The following GFRA1 variants were observed in gnomAD, a reference collection of about 807,000 sequenced individuals.
GFRA1 encodes the protein GDNF family receptor alpha-1.
In GFRA1, 16 loss-of-function variants were observed where a neutral mutation model predicts 51.6. The observed-to-expected ratio is 0.31, with a 90% confidence interval of 0.21 to 0.47. The LOEUF is 0.47. GFRA1 is among the 20% of genes least tolerant of loss of function. The probability of loss-of-function intolerance (pLI) is 1.00; values close to 1 mark genes in which losing one functional copy is unlikely to be tolerated. For synonymous variants in GFRA1, 270 were observed against 241.3 expected (o/e 1.12, Z -1.10); for missense variants, 530 against 594.3 (o/e 0.89, Z 1.13).
chr10:116,105,144 T>C (rs1046918975), intron 6 of GFRA1, among the ~76,000 whole-genome samples: 5 of 152,320 alleles, frequency 3.3e-5, no homozygotes, highest in Middle Eastern at 3.4e-3. Flanking sequence ...AATGGAAAGT[T>C]TTGTGGATGA....
chr10:116,144,147 A>C (rs555726663), intron 5 of GFRA1, among the ~76,000 whole-genome samples: 1 of 152,174 alleles, frequency 6.6e-6, no homozygotes, highest in Admixed American at 6.5e-5. Context: ...ACCATGTTTT[A>C]AGAAATATTG....
intron 4 of GFRA1, among the ~76,000 whole-genome samples, chr10:116,234,578 C>A (rs1286711956): frequency 2.0e-5 from 3 of 152,224 alleles, no homozygotes; most frequent in Admixed American, 2.0e-4. Context: ...TGGCCTTGGG[C>A]AGCACATTTG....
At chr10:116,078,086 C>T (rs534255335) in intron 9 of GFRA1, among the ~76,000 whole-genome samples, 25 of 152,228 alleles carry the variant, frequency 1.6e-4, no homozygotes, top group African/African-American at 4.8e-4. Flanking sequence ...TAAGGCCTGG[C>T]CCCCAAGATT....
intron 5 of GFRA1, among the ~76,000 whole-genome samples, chr10:116,166,057 T>A (rs534660489): frequency 7.2e-5 from 11 of 152,350 alleles, no homozygotes; most frequent in African/African-American, 2.4e-4. Context: ...TATTTGGTTT[T>A]CTGTTCCTGC....
At chr10:116,096,492 T>C (rs1361391907) in intron 7 of GFRA1, among the ~76,000 whole-genome samples, 163 bp downstream of exon 7, 4 of 89,046 alleles carry the variant, frequency 4.5e-5, no homozygotes, top group Admixed American at 1.3e-4. Context: ...CTTTTTTTTT[T>C]CTTTTTTTTT....
At chr10:116,248,469 G>C (rs1250265987) in intron 4 of GFRA1, among the ~76,000 whole-genome samples, 1 of 152,176 alleles carries the variant, frequency 6.6e-6, no homozygotes, top group South Asian at 2.1e-4. Flanking sequence ...CCCACAACGA[G>C]TCACAACTCA....
At chr10:116,247,166 C>T (rs1967934100) in intron 4 of GFRA1, among the ~76,000 whole-genome samples, 1 of 152,072 alleles carries the variant, frequency 6.6e-6, no homozygotes, top group Non-Finnish European at 1.5e-5. Flanking sequence ...CTGTCATTTA[C>T]CCAGGTAAAT....
At chr10:116,158,867 G>A (rs1432131050) in intron 5 of GFRA1, among the ~76,000 whole-genome samples, 4 of 152,178 alleles carry the variant, frequency 2.6e-5, no homozygotes, top group South Asian at 2.1e-4. Context: ...TGCCAGCAGC[G>A]CTGAGGCCTC....
At chr10:116,096,904 CACACAA>C in intron 6 of GFRA1, 140 bp from the exon 7 acceptor site, 1 of 654,784 alleles carries the variant, frequency 1.5e-6, no homozygotes, top group East Asian at 2.9e-5. Flanking sequence ...CACACACATA[CACACAA>C]AATACGTAGA....
At chr10:116,077,810 C>T (rs1041388268) in intron 9 of GFRA1, among the ~76,000 whole-genome samples, 31 of 152,308 alleles carry the variant, frequency 2.0e-4, no homozygotes, top group African/African-American at 7.2e-4. Context: ...CTGGGGGGGA[C>T]AGCTTGTCCT....
chr10:116,189,471 C>T (rs1375317772), intron 5 of GFRA1, among the ~76,000 whole-genome samples: 6 of 151,820 alleles, frequency 4.0e-5, no homozygotes, highest in African/African-American at 1.5e-4. Context: ...TTTTTTGATT[C>T]CCCCGCCACC....
chr10:116,135,990 T>C (rs1033660642), intron 5 of GFRA1, among the ~76,000 whole-genome samples: 6 of 112,856 alleles, frequency 5.3e-5, no homozygotes, highest in Non-Finnish European at 1.0e-4. Context: ...CTCTCAGTTA[T>C]GGATACTTTT....
intron 4 of GFRA1, among the ~76,000 whole-genome samples, chr10:116,233,513 G>C (rs1023887447): frequency 3.2e-4 from 49 of 152,008 alleles, no homozygotes; most frequent in Admixed American, 6.5e-4. Context: ...TTGCAGCCTG[G>C]CCTGGTCCAG....
intron 4 of GFRA1, among the ~76,000 whole-genome samples, chr10:116,248,722 G>C (rs1052802869): frequency 2.0e-5 from 3 of 152,156 alleles, no homozygotes; most frequent in African/African-American, 4.8e-5. Flanking sequence ...GCTGGTGGGG[G>C]CGGTTAAAGG....
At chr10:116,084,000 G>A (rs1011816408) in intron 9 of GFRA1, among the ~76,000 whole-genome samples, 1 of 152,166 alleles carries the variant, frequency 6.6e-6, no homozygotes, top group East Asian at 1.9e-4. Flanking sequence ...GGCTTTGTTG[G>A]GAGGCTGGCA....
intron 4 of GFRA1, among the ~76,000 whole-genome samples, chr10:116,259,003 T>C (rs1969104034): frequency 1.3e-5 from 2 of 152,212 alleles, no homozygotes; most frequent in Admixed American, 6.5e-5. Flanking sequence ...GAGAACTCTC[T>C]GGAATTCAGG....
chr10:116,117,293 G>A (rs996658606), intron 6 of GFRA1, among the ~76,000 whole-genome samples: 2 of 151,932 alleles, frequency 1.3e-5, no homozygotes, highest in Non-Finnish European at 2.9e-5. Context: ...CCTTTGTCTT[G>A]TGACTCTCTT....
intron 5 of GFRA1, among the ~76,000 whole-genome samples, chr10:116,152,065 G>A (rs1959085830): frequency 6.6e-6 from 1 of 152,136 alleles, no homozygotes; most frequent in Admixed American, 6.5e-5. Flanking sequence ...GCGTGTGAGT[G>A]GACAGTGGTA....
At chr10:116,147,843 C>G (rs980376319) in intron 5 of GFRA1, among the ~76,000 whole-genome samples, 2 of 152,060 alleles carry the variant, frequency 1.3e-5, no homozygotes, top group African/African-American at 4.8e-5. Context: ...CACGCACGCT[C>G]CTCCCCCAGA....
Sources: gnomAD v4.1 joint callset for allele counts (sites outside exome capture counted in the v4.1 genomes callset) on GRCh38, gnomAD v4.1.1 for gene constraint, MANE v1.5 for transcripts, NCBI Gene and HGNC (gene_info 2026-07-23, HGNC 2026-07-21) for gene names.